ADAMTS12: variants seen among roughly 807,000 people sequenced by gnomAD.
ADAMTS12 encodes the protein ADAM metallopeptidase with thrombospondin type 1 motif 12.
In ADAMTS12, 118 loss-of-function variants were observed where a neutral mutation model predicts 167.8. The observed-to-expected ratio is 0.70, with a 90% CI of 0.61 to 0.82. The LOEUF is 0.82. Ranked by LOEUF, ADAMTS12 falls within the 40% of genes least tolerant of loss-of-function variation. ADAMTS12 has a pLI of 0.00. For synonymous variants in ADAMTS12, 704 were observed against 716.9 expected (o/e 0.98, Z 0.29); for missense variants, 1,916 against 1,998.8 (o/e 0.96, Z 0.79).
chr5:33,811,115 GCAA>G (rs750161863), intron 2 of ADAMTS12, among the ~76,000 whole-genome samples: 10 of 152,108 alleles, frequency 6.6e-5, no homozygotes, highest in Non-Finnish European at 1.0e-4. Flanking sequence ...CATCTGTTAA[GCAA>G]CAACAACAAA....
At chr5:33,549,669 T>A (rs1478989790) in intron 20 of ADAMTS12, among the ~76,000 whole-genome samples, 1 of 152,210 alleles carries the variant, frequency 6.6e-6, no homozygotes, top group African/African-American at 2.4e-5. Context: ...TAAACTGGGA[T>A]CATAACTGCT....
At chr5:33,767,417 T>C (rs1230653125) in intron 2 of ADAMTS12, among the ~76,000 whole-genome samples, 1 of 152,202 alleles carries the variant, frequency 6.6e-6, no homozygotes, top group Non-Finnish European at 1.5e-5. Flanking sequence ...TTACAATTAA[T>C]TTTTATTTTC....
intron 2 of ADAMTS12, among the ~76,000 whole-genome samples, chr5:33,794,052 A>G (rs907561939): frequency 1.3e-5 from 2 of 151,990 alleles, no homozygotes; most frequent in Admixed American, 1.3e-4. Flanking sequence ...TGTGGTGCCC[A>G]GCGGGAATGG....
At chr5:33,706,739 G>A (rs941150428) in intron 3 of ADAMTS12, among the ~76,000 whole-genome samples, 11 of 152,212 alleles carry the variant, frequency 7.2e-5, no homozygotes, top group African/African-American at 2.2e-4. Context: ...AAAGGCCTTC[G>A]ATAAAAGTCA....
chr5:33,616,392 C>T (rs1739017385), intron 14 of ADAMTS12, among the ~76,000 whole-genome samples: 1 of 152,096 alleles, frequency 6.6e-6, no homozygotes, highest in African/African-American at 2.4e-5. Flanking sequence ...ACTTCAAAAC[C>T]CTAAAGCTCC....
chr5:33,754,377 G>A (rs1294690364), intron 2 of ADAMTS12, among the ~76,000 whole-genome samples: 1 of 152,194 alleles, frequency 6.6e-6, no homozygotes, highest in Non-Finnish European at 1.5e-5. Context: ...GTGAGGACTT[G>A]CACTGGGCAT....
intron 19 of ADAMTS12, among the ~76,000 whole-genome samples, chr5:33,572,720 T>G (rs913242480): frequency 6.7e-6 from 1 of 148,270 alleles, no homozygotes; most frequent in Non-Finnish European, 1.5e-5. Flanking sequence ...ACCACTCCTA[T>G]GCAACATAGT....
At chr5:33,783,004 G>A (rs1006735641) in intron 2 of ADAMTS12, among the ~76,000 whole-genome samples, 7 of 151,816 alleles carry the variant, frequency 4.6e-5, no homozygotes, top group Non-Finnish European at 1.5e-5. Context: ...TATTCTCCAG[G>A]GTAGACCATA....
chr5:33,553,133 A>G (rs1745328762), intron 20 of ADAMTS12, among the ~76,000 whole-genome samples: 1 of 152,248 alleles, frequency 6.6e-6, no homozygotes, highest in African/African-American at 2.4e-5. Context: ...ATCACTGATC[A>G]TTAGAGAAAT....
intron 3 of ADAMTS12, among the ~76,000 whole-genome samples, chr5:33,739,307 T>C (rs187959899): frequency 6.6e-6 from 1 of 150,956 alleles, no homozygotes; most frequent in African/African-American, 2.4e-5. Context: ...ACATTCTCCA[T>C]ACACACACAC....
At chr5:33,770,620 G>A (rs1163887347) in intron 2 of ADAMTS12, among the ~76,000 whole-genome samples, 2 of 152,110 alleles carry the variant, frequency 1.3e-5, no homozygotes, top group Non-Finnish European at 2.9e-5. Context: ...AGGAGAGGAT[G>A]ATTCAAATGT....
At chr5:33,606,117 T>A (rs747473805) in intron 16 of ADAMTS12, among the ~76,000 whole-genome samples, 64 of 152,176 alleles carry the variant, frequency 4.2e-4, no homozygotes, top group Admixed American at 1.4e-3. Flanking sequence ...CTGGCTAATT[T>A]TTGTATTTTT....
At chr5:33,674,684 G>C (rs1363611355) in intron 5 of ADAMTS12, among the ~76,000 whole-genome samples, 1 of 152,122 alleles carries the variant, frequency 6.6e-6, no homozygotes, top group African/African-American at 2.4e-5. Flanking sequence ...TATGGGACAA[G>C]AGGGACAGGT....
chr5:33,845,993 T>C (rs1748928564), intron 2 of ADAMTS12, among the ~76,000 whole-genome samples: 1 of 152,084 alleles, frequency 6.6e-6, no homozygotes, highest in Non-Finnish European at 1.5e-5. Context: ...AAGGATCCAC[T>C]CCAATGACCC....
At position 33,526,502 on chromosome 5, in the gene ADAMTS12, C is replaced by T. The variant is rs1372362148; in HGVS notation, c.*686G>A. 1 of 152,186 alleles carries T rather than the reference C, an allele frequency of 6.6e-6. No individual in the cohort carries two copies. The allele number at this position is 152,186 out of a possible 1,614,324, so 9.4% of individuals were successfully genotyped here. A position where few individuals can be genotyped will look rare whatever the true frequency, so the allele number is the denominator to read the frequency against. ...CAGAAGTGTTTTCTGTGTAAGTGAC[C>T]TAAACCCCTTAGGCTGTGTTTCTTA... On this transcript the variant is annotated 3_prime_UTR_variant, in exon 24 of 24. Coordinates refer to ENST00000504830, the MANE Select transcript of ADAMTS12 (RefSeq NM_030955.4).
chr5:33,687,747 C>T (rs1178875960), intron 3 of ADAMTS12, among the ~76,000 whole-genome samples: 2 of 152,272 alleles, frequency 1.3e-5, no homozygotes, highest in Non-Finnish European at 2.9e-5. Context: ...GCTGACTCTG[C>T]GGAGTTCTAG....
intron 2 of ADAMTS12, among the ~76,000 whole-genome samples, chr5:33,792,554 A>T (rs1259434290): frequency 2.0e-5 from 3 of 152,196 alleles, no homozygotes; most frequent in Non-Finnish European, 4.4e-5. Flanking sequence ...TTATCCCTCA[A>T]AGAGCCTGGC....
intron 2 of ADAMTS12, among the ~76,000 whole-genome samples, chr5:33,784,832 C>G (rs1180768019): frequency 6.6e-6 from 1 of 151,948 alleles, no homozygotes; most frequent in Non-Finnish European, 1.5e-5. Flanking sequence ...CTGATTCTAA[C>G]ATTTATATTG....
intron 3 of ADAMTS12, among the ~76,000 whole-genome samples, chr5:33,697,968 A>G (rs1742847645): frequency 6.6e-6 from 1 of 152,268 alleles, no homozygotes; most frequent in Non-Finnish European, 1.5e-5. Flanking sequence ...GAATTTCCTT[A>G]GAATTTTAAG....
Sources: allele counts gnomAD v4.1 joint callset (sites outside exome capture counted in the v4.1 genomes callset), GRCh38; gene constraint gnomAD v4.1.1; transcripts MANE v1.5; gene names NCBI Gene and HGNC (gene_info 2026-07-23, HGNC 2026-07-21).